Variants in USH2A observed in about 807,000 individuals in gnomAD.
The protein encoded by USH2A is Usher syndrome 2A (autosomal recessive, mild).
USH2A carries 443 observed loss-of-function variants against 538.9 expected under a neutral mutation model. The observed-to-expected ratio is 0.82, with a 90% CI of 0.76 to 0.89. The LOEUF (loss-of-function observed/expected upper bound fraction) is 0.89. USH2A is among the 40% of genes least tolerant of loss of function. USH2A has a pLI of 0.00. For missense variants in USH2A, 6,633 were observed against 6,324.8 expected (o/e 1.05, Z -1.65); for synonymous variants, 2,413 against 2,273.5 (o/e 1.06, Z -1.75).
intron 4 of USH2A, among the ~76,000 whole-genome samples, chr1:216,351,234 G>T (rs760021634): frequency 1.3e-5 from 2 of 152,174 alleles, no homozygotes; most frequent in African/African-American, 4.8e-5. Flanking sequence ...CATTAAAGAT[G>T]CTAAGTGCTA....
rs1391157741 is a variant in USH2A, at chr1:215,681,168, A to C, written c.12067-792T>G. Among the ~76,000 whole-genome samples, 5 of 152,296 alleles carry C rather than the reference A, an allele frequency of 3.3e-5. No individual in the cohort carries two copies. The East Asian group carries it at 9.7e-4, about 29-fold the overall frequency. ...TTTGTTTTTCTGCTTGGAGAGCAGC[A>C]TTAACATATTTGGCATAACTAAACT... On this transcript the variant is annotated intron_variant, in intron 61 of 71. Coordinates refer to ENST00000307340, the MANE Select transcript of USH2A (RefSeq NM_206933.4).
chr1:216,370,723 CG>C (rs1249061168), intron 3 of USH2A, among the ~76,000 whole-genome samples: 1 of 134,660 alleles, frequency 7.4e-6, no homozygotes, highest in Non-Finnish European at 1.6e-5. Context: ...GCTATAGAAG[CG>C]TGACTGGTGG....
chr1:215,982,119 A>G (rs1667766028), intron 35 of USH2A, among the ~76,000 whole-genome samples: 1 of 152,244 alleles, frequency 6.6e-6, no homozygotes, highest in Non-Finnish European at 1.5e-5. Flanking sequence ...ATCTTCCTCC[A>G]ACCACTTCAG....
At chr1:215,746,456 T>C (rs1660474461) in intron 58 of USH2A, among the ~76,000 whole-genome samples, 1 of 152,206 alleles carries the variant, frequency 6.6e-6, no homozygotes, top group African/African-American at 2.4e-5. Flanking sequence ...AAAAGCCTTC[T>C]GTGAGCTTGC....
In USH2A at chr1:215,835,328, T is replaced by G. The variant is rs150979653; in HGVS notation, c.9371+2663A>C. 1.5e-3 allele frequency among the ~76,000 whole-genome samples: 233 copies of G among 152,226 alleles called. 2 individuals carry two copies. The highest frequency in any genetic ancestry group is 0.013 in the East Asian group (69 of 5,158). On this transcript the variant is annotated intron_variant, in intron 47 of 71. Coordinates refer to ENST00000307340, the MANE Select transcript of USH2A (RefSeq NM_206933.4). The stretch of plus-strand genomic sequence containing the variant: ...GAGGTATTTTTTTTGAGATCATTCT[T>G]TTTTTTCTAGAAAACTATGTTCAGT...
intron 61 of USH2A, among the ~76,000 whole-genome samples, chr1:215,691,510 CA>C (rs1162090245): frequency 6.6e-6 from 1 of 152,328 alleles, no homozygotes; most frequent in East Asian, 1.9e-4. Context: ...TGAGTAACTT[CA>C]GCTCATCTTC....
intron 19 of USH2A, among the ~76,000 whole-genome samples, chr1:216,191,193 G>T (rs530288840): frequency 4.7e-4 from 72 of 152,092 alleles, no homozygotes; most frequent in African/African-American, 1.7e-3. Flanking sequence ...CATTAAAACA[G>T]AGAGTATGAC....
chr1:216,196,748 C>T (rs1186630203), intron 18 of USH2A, 26 bp from the exon 19 acceptor site: 6 of 1,608,338 alleles, frequency 3.7e-6, no homozygotes, highest in Admixed American at 3.4e-5. Flanking sequence ...ATAACAATAA[C>T]ATCAAAACAA....
At chr1:215,836,511 TATATATA>T (rs1302226417) in intron 47 of USH2A, among the ~76,000 whole-genome samples, 26 of 32,038 alleles carry the variant, frequency 8.1e-4, no homozygotes, top group African/African-American at 9.3e-4. Flanking sequence ...ATATATTATA[TATATATA>T]ATATATATTA....
In USH2A at chr1:216,246,332, T is replaced by C. The variant is rs147367176; in HGVS notation, c.2809+253A>G. On this transcript the variant is annotated intron_variant, in intron 13 of 71. Transcript: ENST00000307340. ...AGGAGATTTACTTCAAGTGTAGAAA[T>C]TGAGTCTCAATTATGAAATAAATCC... Among the ~76,000 whole-genome samples the C allele has an allele frequency of 1.9e-3, 286 of 152,330 alleles. 3 individuals carry two copies. The highest frequency in any genetic ancestry group is 6.5e-3 in the African/African-American group (271 of 41,574).
At chr1:215,758,520 A>C in intron 58 of USH2A, 75 bp downstream of exon 58, 1 of 1,518,480 alleles carries the variant, frequency 6.6e-7, no homozygotes, top group Non-Finnish European at 9.0e-7. Flanking sequence ...CTAAATTAAC[A>C]GTTCTATTCT....
At chr1:215,993,992 A>G (rs371941981) in intron 34 of USH2A, among the ~76,000 whole-genome samples, 5 of 152,184 alleles carry the variant, frequency 3.3e-5, no homozygotes, top group African/African-American at 1.2e-4. Flanking sequence ...TGATAAATAC[A>G]TTAAGGGGTT....
intron 13 of USH2A, among the ~76,000 whole-genome samples, chr1:216,238,066 C>T (rs561494690): frequency 2.5e-4 from 38 of 152,168 alleles, no homozygotes; most frequent in African/African-American, 6.3e-4. Context: ...GGGTCTTGTA[C>T]ACAATTCTAG....
intron 21 of USH2A, among the ~76,000 whole-genome samples, chr1:216,153,171 C>A (rs1172943240): frequency 6.6e-6 from 1 of 152,166 alleles, no homozygotes; most frequent in Non-Finnish European, 1.5e-5. Context: ...TCCATGTAAC[C>A]TGATTCTTCT....
chr1:215,759,801 G>A lies in USH2A; in HGVS notation c.11090C>T (p.Thr3697Ile). 6.2e-7 allele frequency: 1 copy of A among 1,614,006 alleles called. No individual in the cohort carries two copies. The highest frequency in any genetic ancestry group is 1.3e-5 in the African/African-American group (1 of 75,004). The change falls in exon 57 of 72, where the codon ACA becomes ATA. Residue 3697 changes from threonine to isoleucine, a missense_variant. By Grantham distance (89) the Thr-to-Ile change is moderately conservative. Transcript: ENST00000307340. ...TGGCAGACTCCAATATAATTCCACT[G>A]TTGTAGAATTGATGATAATGTGTCG... is the stretch of plus-strand genomic sequence containing the variant. ...TPRHIIINSTTVELYWSLPEK... is the reference protein window; with the variant it reads ...TPRHIIINSTIVELYWSLPEK...
chr1:216,030,618 T>C lies in USH2A; in HGVS notation c.6325+15813A>G, dbSNP rs139924060. ...CAGATATATAAATGATATATAGATA[T>C]ATATCACAGATATATAATATATACG... On this transcript the variant is annotated intron_variant, in intron 32 of 71. Transcript: ENST00000307340. Among the ~76,000 whole-genome samples, 1,264 of 145,282 alleles carry C rather than the reference T, an allele frequency of 8.7e-3. 2 individuals are homozygous for C. Among genetic ancestry groups the C allele is most frequent in the Non-Finnish European group, 0.013 (857 of 66,202 alleles).
chr1:215,666,520 T>C lies in USH2A; in HGVS notation c.14133+4452A>G, dbSNP rs142484479. ...AGTTTAGGCTAGTGATTCTCAACTC[T>C]GGCTGCACATGAGAATCACCTGGGA... On this transcript the variant is annotated intron_variant, in intron 64 of 71. Transcript: ENST00000307340. Among the ~76,000 whole-genome samples the C allele has an allele frequency of 5.8e-3, 879 of 152,286 alleles. 10 individuals carry two copies. Among genetic ancestry groups the C allele is most frequent in the African/African-American group, 0.02 (850 of 41,552 alleles).
chr1:216,068,993 C>T (rs994563428), intron 30 of USH2A, among the ~76,000 whole-genome samples: 13 of 151,818 alleles, frequency 8.6e-5, no homozygotes, highest in African/African-American at 1.2e-4. Flanking sequence ...AGGGAGGTAA[C>T]GTGTATAGTT....
chr1:216,027,042 T>C (rs926062046), intron 32 of USH2A, among the ~76,000 whole-genome samples: 4 of 152,176 alleles, frequency 2.6e-5, no homozygotes, highest in South Asian at 2.1e-4. Context: ...TGGTGAGTAA[T>C]AGTGCATAAT....
Sources: allele counts gnomAD v4.1 joint callset (sites outside exome capture counted in the v4.1 genomes callset), GRCh38; gene constraint gnomAD v4.1.1; transcripts MANE v1.5; gene names NCBI Gene and HGNC (gene_info 2026-07-23, HGNC 2026-07-21).